SCN8A: variants seen among roughly 807,000 people sequenced by gnomAD.
The protein encoded by SCN8A is sodium voltage-gated channel alpha subunit 8.
Under a neutral mutation model 184.1 loss-of-function variants are expected in SCN8A, and 30 were observed. That is an observed-to-expected ratio of 0.16 (90% confidence interval 0.12 to 0.22). The LOEUF (loss-of-function observed/expected upper bound fraction) is 0.22. Among genes scored for constraint, SCN8A ranks in the 10% least tolerant of loss-of-function variants. SCN8A has a pLI of 1.00. For synonymous variants in SCN8A, 852 were observed against 907.0 expected, an observed-to-expected ratio of 0.94 and a Z score of 1.09; for missense variants, 1,057 against 2,498.9, an observed-to-expected ratio of 0.42 and a Z score of 12.30.
At chr12:51,599,086 C>G (rs1939409942) in intron 1 of SCN8A, among the ~76,000 whole-genome samples, 1 of 152,146 alleles carries the variant, frequency 6.6e-6, no homozygotes. Context: ...GGAGACATAA[C>G]CTTGAGAACT....
At chr12:51,593,366 G>A (rs115277309) in intron 1 of SCN8A, among the ~76,000 whole-genome samples, 1 of 152,292 alleles carries the variant, frequency 6.6e-6, no homozygotes, top group African/African-American at 2.4e-5. Context: ...GTTCATAATG[G>A]TGCAGATCAG....
At chr12:51,793,650 C>G (rs942787721) in intron 25 of SCN8A, among the ~76,000 whole-genome samples, 3 of 152,092 alleles carry the variant, frequency 2.0e-5, no homozygotes, top group African/African-American at 7.2e-5. Context: ...AGGACGACAG[C>G]CAGAGTGTGT....
At chr12:51,670,845 TA>T (rs1231818847) in intron 2 of SCN8A, among the ~76,000 whole-genome samples, 1 of 152,220 alleles carries the variant, frequency 6.6e-6, no homozygotes, top group East Asian at 1.9e-4. Context: ...GACAATTTGA[TA>T]AATTGTTACT....
At chr12:51,721,448 TG>T in intron 11 of SCN8A, 97 bp from the exon 12 acceptor site, 2 of 1,295,266 alleles carry the variant, frequency 1.5e-6, no homozygotes, top group Non-Finnish European at 2.1e-6. Flanking sequence ...AGTGCGAGGG[TG>T]GGGCCGGCTG....
chr12:51,733,309 G>A (rs1281339970), intron 12 of SCN8A, among the ~76,000 whole-genome samples: 1 of 152,132 alleles, frequency 6.6e-6, no homozygotes, highest in Non-Finnish European at 1.5e-5. Context: ...CAATTGAAAT[G>A]ATCATATGGT....
intron 6 of SCN8A, among the ~76,000 whole-genome samples, chr12:51,696,790 G>A (rs764647817): frequency 6.6e-6 from 1 of 151,988 alleles, no homozygotes; most frequent in African/African-American, 2.4e-5. Context: ...CAGCACTTTG[G>A]GAGGCCAAGG....
intron 3 of SCN8A, among the ~76,000 whole-genome samples, chr12:51,685,490 A>T (rs1235602960): frequency 6.6e-6 from 1 of 152,174 alleles, no homozygotes; most frequent in Non-Finnish European, 1.5e-5. Context: ...TTTCTCAGAG[A>T]TAAGAACAGA....
chr12:51,783,467 T>C (rs958866560), intron 21 of SCN8A, among the ~76,000 whole-genome samples: 2 of 152,196 alleles, frequency 1.3e-5, no homozygotes, highest in Non-Finnish European at 2.9e-5. Context: ...AGAGCTTCGC[T>C]TGAGAGGGAG....
intron 13 of SCN8A, among the ~76,000 whole-genome samples, chr12:51,748,407 G>C (rs986601175): frequency 6.6e-6 from 1 of 152,102 alleles, no homozygotes; most frequent in African/African-American, 2.4e-5. Context: ...TTGCAAACAT[G>C]CTTACCAGGA....
At chr12:51,614,735 C>T (rs981175606) in intron 1 of SCN8A, among the ~76,000 whole-genome samples, 1 of 150,480 alleles carries the variant, frequency 6.6e-6, no homozygotes, top group Admixed American at 6.6e-5. Context: ...TTTTAACTTA[C>T]ATTTATCGTA....
intron 16 of SCN8A, 122 bp from the exon 17 acceptor site, chr12:51,768,743 C>T: frequency 1.4e-6 from 1 of 738,130 alleles, no homozygotes; most frequent in Non-Finnish European, 2.1e-6. Flanking sequence ...GTGGGCCAAA[C>T]ACAACACAAC....
At chr12:51,654,315 A>G (rs1220467838) in intron 1 of SCN8A, among the ~76,000 whole-genome samples, 2 of 152,184 alleles carry the variant, frequency 1.3e-5, no homozygotes, top group African/African-American at 4.8e-5. Flanking sequence ...TAAGAGTTTT[A>G]TAGTTTTAGC....
chr12:51,716,385 A>G (rs1592401203), intron 11 of SCN8A, among the ~76,000 whole-genome samples: 1 of 152,088 alleles, frequency 6.6e-6, no homozygotes, highest in East Asian at 1.9e-4. Context: ...TAGAGCATAA[A>G]TATTCTGAAA....
chr12:51,734,700 T>G (rs1259181529), intron 12 of SCN8A, among the ~76,000 whole-genome samples: 1 of 152,212 alleles, frequency 6.6e-6, no homozygotes, highest in Admixed American at 6.5e-5. Context: ...TTTGGGGGGC[T>G]TGCTCCCAAC....
rs1942888203 is a variant in SCN8A at position 51,769,333 on chromosome 12, G to A, written c.3370G>A (p.Asp1124Asn). Residue 1124 changes from aspartate (D) to asparagine (N), a missense_variant and splice_region_variant, in exon 17 of 27, where the codon GAT becomes AAT. Asp to Asn is a conservative substitution (Grantham distance 23). Coordinates refer to ENST00000627620, the MANE Select transcript of SCN8A (RefSeq NM_001330260.2). Reference sequence around the variant, plus strand: ...CGAGTCGGATCCTGAAGGCAGCAAAGATGTAAGGTCCCAGCCTAGAAACAG... The same window carrying A: ...CGAGTCGGATCCTGAAGGCAGCAAAAATGTAAGGTCCCAGCCTAGAAACAG... ...SSESDPEGSK[D>N]KLDDTSSSEG... 1 of 1,578,606 alleles carries A rather than the reference G, an allele frequency of 6.3e-7. No homozygotes were observed. The highest frequency in any genetic ancestry group is 1.2e-5 in the South Asian group (1 of 84,662).
chr12:51,619,966 T>C (rs1425448060), intron 1 of SCN8A, among the ~76,000 whole-genome samples: 1 of 152,220 alleles, frequency 6.6e-6, no homozygotes, highest in Non-Finnish European at 1.5e-5. Context: ...ACTGTACTGA[T>C]GTACTGATGG....
At chr12:51,698,745 TG>T in intron 6 of SCN8A, among the ~76,000 whole-genome samples, 1 of 152,244 alleles carries the variant, frequency 6.6e-6, no homozygotes, top group East Asian at 1.9e-4. Flanking sequence ...AAGCAGGGAA[TG>T]TATGTGATAC....
At chr12:51,767,068 C>T (rs1051864536) in intron 16 of SCN8A, among the ~76,000 whole-genome samples, 1 of 152,168 alleles carries the variant, frequency 6.6e-6, no homozygotes, top group Non-Finnish European at 1.5e-5. Context: ...TTCTGTTCTT[C>T]CATTTGACCT....
chr12:51,649,689 C>T lies in SCN8A; in HGVS notation c.-54-13075C>T, dbSNP rs1416081964. On this transcript the variant is annotated intron_variant, in intron 1 of 26. Transcript: ENST00000627620. ...GGGCACCAAGTCCCTAGACTGCACACAGCATGGGGACCCTGGGCCCAGCTC... is the reference window on the plus strand; with the variant it reads ...GGGCACCAAGTCCCTAGACTGCACATAGCATGGGGACCCTGGGCCCAGCTC... Among the ~76,000 whole-genome samples, 4 of 152,292 alleles carry T rather than the reference C, an allele frequency of 2.6e-5. No homozygotes were observed. In the East Asian group the frequency reaches 7.7e-4, roughly 29 times the overall value.
Sources: gnomAD v4.1 joint callset for allele counts (sites outside exome capture counted in the v4.1 genomes callset) on GRCh38, gnomAD v4.1.1 for gene constraint, MANE v1.5 for transcripts, NCBI Gene and HGNC (gene_info 2026-07-23, HGNC 2026-07-21) for gene names.